Variants in DNAH6 observed in about 807,000 individuals in gnomAD.
DNAH6 encodes the protein axonemal beta dynein heavy chain 6.
In DNAH6, 340 loss-of-function variants were observed where a neutral mutation model predicts 491.4. The observed-to-expected ratio is 0.69, with a 90% CI of 0.63 to 0.76. The LOEUF is 0.76. Among genes scored for constraint, DNAH6 ranks in the 30% least tolerant of loss-of-function variants. The pLI, the probability that DNAH6 is intolerant of heterozygous loss-of-function variation, is 0.00. For synonymous variants in DNAH6, 1,603 were observed against 1,686.1 expected (o/e 0.95, Z 1.21); for missense variants, 4,443 against 4,972.2 (o/e 0.89, Z 3.20).
At chr2:84,786,904 A>G (rs1196586564) in intron 67 of DNAH6, among the ~76,000 whole-genome samples, 1 of 152,132 alleles carries the variant, frequency 6.6e-6, no homozygotes, top group Non-Finnish European at 1.5e-5. Flanking sequence ...TCCTGAAGGA[A>G]AAATGTTCTT....
intron 8 of DNAH6, 39 bp downstream of exon 8, chr2:84,548,456 C>A: frequency 6.2e-7 from 1 of 1,608,666 alleles, no homozygotes; most frequent in South Asian, 1.1e-5. Flanking sequence ...TTGTAGTACC[C>A]ATCTTAAGCT....
intron 45 of DNAH6, among the ~76,000 whole-genome samples, chr2:84,689,143 A>G (rs1694595604): frequency 6.6e-6 from 1 of 152,200 alleles, no homozygotes; most frequent in Non-Finnish European, 1.5e-5. Flanking sequence ...TGATCCTTCC[A>G]GGATAAGCCA....
intron 68 of DNAH6, 83 bp from the exon 69 acceptor site, chr2:84,796,223 A>T: frequency 2.1e-6 from 2 of 939,622 alleles, no homozygotes; most frequent in South Asian, 4.4e-5. Flanking sequence ...GTGTGTATAA[A>T]TAAACATTAA....
chr2:84,681,093 C>CTAAATTACTTGAGAGTGTGTTCATGTAAA (rs1196766515), intron 41 of DNAH6, among the ~76,000 whole-genome samples: 12 of 152,054 alleles, frequency 7.9e-5, no homozygotes, highest in Admixed American at 2.6e-4. Context: ...AAGCAGAGGT[C>CTAAATTACTTGAGAGTGTGTTCATGTAAA]TAAATTACTT....
At position 84,712,979 on chromosome 2, in the gene DNAH6, C is replaced by A. The variant is rs972030866; in HGVS notation, c.9379-116C>A. The A allele has an allele frequency of 3.8e-5, 32 of 838,996 alleles. No individual in the cohort carries two copies. The African/African-American group carries it at 5.3e-4, about 14-fold the overall frequency. The allele number at this position is 838,996 out of a possible 1,614,324, so 52.0% of individuals were successfully genotyped here. On this transcript the variant is annotated intron_variant, in intron 56 of 76. Coordinates refer to ENST00000389394, the MANE Select transcript of DNAH6 (RefSeq NM_001370.2). ...GGATGTTAATAAATATCCATCAGAT[C>A]ACTGGAAAATTATTCATTCACAGTA...
At chr2:84,554,667 G>A (rs902813168) in intron 10 of DNAH6, among the ~76,000 whole-genome samples, 4 of 152,198 alleles carry the variant, frequency 2.6e-5, no homozygotes, top group Admixed American at 2.6e-4. Flanking sequence ...TGTAATTTAT[G>A]GGATAGGCAA....
chr2:84,790,025 G>A (rs1190062476), intron 68 of DNAH6, among the ~76,000 whole-genome samples: 1 of 152,174 alleles, frequency 6.6e-6, no homozygotes, highest in Non-Finnish European at 1.5e-5. Context: ...GATGGACCTT[G>A]TGTTGAGAAA....
Position 84,686,475 on chromosome 2 carries a change from T to C in DNAH6, c.7064-9T>C. ...TTATATTTAAAACTTGGTTTTGTTC[T>C]TTAAATAGACAAACATTTTGGAATT... On this transcript the variant is annotated splice_polypyrimidine_tract_variant and intron_variant, in intron 43 of 76. Coordinates refer to ENST00000389394, the MANE Select transcript of DNAH6 (RefSeq NM_001370.2). 6.7e-7 allele frequency: 1 copy of C among 1,491,746 alleles called. No individual in the cohort carries two copies. Among genetic ancestry groups the C allele is most frequent in the South Asian group, 1.2e-5 (1 of 80,412 alleles). 92.4% of individuals were successfully genotyped at this position (1,491,746 alleles called of 1,614,324 possible). A position where few individuals can be genotyped will look rare whatever the true frequency, so the allele number is the denominator to read the frequency against.
chr2:84,580,962 C>T (rs950751091), intron 14 of DNAH6, among the ~76,000 whole-genome samples: 1 of 152,206 alleles, frequency 6.6e-6, no homozygotes, highest in African/African-American at 2.4e-5. Context: ...TGCTTCACTT[C>T]TCTCCCTCTG....
Position 84,674,162 on chromosome 2 carries a change from A to G in DNAH6, c.6612+1678A>G, listed in dbSNP as rs1193376432. On this transcript the variant is annotated intron_variant, in intron 40 of 76. Coordinates refer to ENST00000389394, the MANE Select transcript of DNAH6 (RefSeq NM_001370.2). ...AGGATTTCCCACCTACTAGCACCCA[A>G]CATCCCTACAAGATGGATAATGCTA... Among the ~76,000 whole-genome samples the G allele has an allele frequency of 2.0e-5, 3 of 152,172 alleles. No homozygotes were observed. The East Asian group carries it at 5.8e-4, about 29-fold the overall frequency.
intron 72 of DNAH6, 64 bp downstream of exon 72, chr2:84,808,606 T>G: frequency 6.6e-7 from 1 of 1,505,274 alleles, no homozygotes; most frequent in East Asian, 2.5e-5. Flanking sequence ...TTGTATAATA[T>G]GAAATTCTTC....
At chr2:84,575,823 G>A (rs1682380869) in intron 12 of DNAH6, among the ~76,000 whole-genome samples, 1 of 152,164 alleles carries the variant, frequency 6.6e-6, no homozygotes, top group African/African-American at 2.4e-5. Flanking sequence ...GGCGGAGCTT[G>A]CAGTGAGCCG....
chr2:84,659,102 C>T lies in DNAH6; in HGVS notation c.6017C>T (p.Thr2006Ile). The T allele has an allele frequency of 6.6e-7, 1 of 1,517,648 alleles. No individual in the cohort carries two copies. The highest frequency in any genetic ancestry group is 1.4e-5 in the African/African-American group (1 of 72,318). 94.0% of individuals were successfully genotyped at this position (1,517,648 alleles called of 1,614,324 possible). A position where few individuals can be genotyped will look rare whatever the true frequency, so the allele number is the denominator to read the frequency against. ...CYLWSLGGNL[T>I]ENYYDSFDTF... ...TTGTGGTCTTTGGGTGGAAACCTAA[C>T]TGAAAACTACTATGATTCTTTTGAT... The change falls in exon 37 of 77, where the codon ACT becomes ATT. Residue 2006 changes from threonine (T) to isoleucine (I), a missense_variant. Thr to Ile is a moderately conservative substitution (Grantham distance 89, BLOSUM62 -1). Coordinates refer to ENST00000389394, the MANE Select transcript of DNAH6 (RefSeq NM_001370.2).
intron 46 of DNAH6, 69 bp downstream of exon 46, chr2:84,694,549 G>T: frequency 8.5e-7 from 1 of 1,180,080 alleles, no homozygotes; most frequent in South Asian, 1.4e-5. Context: ...TGTGTGCTTT[G>T]AACAGTTTGT....
chr2:84,653,079 A>T (rs1690604761), intron 33 of DNAH6, among the ~76,000 whole-genome samples: 1 of 152,080 alleles, frequency 6.6e-6, no homozygotes, highest in South Asian at 2.1e-4. Context: ...CTTACTCCCA[A>T]GAAGCTCCTA....
the DNAH6 span, among the ~76,000 whole-genome samples, chr2:84,501,910 T>C: frequency 6.6e-6 from 1 of 152,096 alleles, no homozygotes; most frequent in East Asian, 1.9e-4. Flanking sequence ...TATTGGGATC[T>C]TCTCTCTTTT....
At chr2:84,660,889 A>G (rs1691437755) in intron 37 of DNAH6, among the ~76,000 whole-genome samples, 1 of 152,172 alleles carries the variant, frequency 6.6e-6, no homozygotes, top group Non-Finnish European at 1.5e-5. Flanking sequence ...ACTTCTCTGA[A>G]TAAAACAAGA....
intron 39 of DNAH6, among the ~76,000 whole-genome samples, chr2:84,671,409 G>T (rs543795543): frequency 6.6e-6 from 1 of 152,170 alleles, no homozygotes; most frequent in Admixed American, 6.5e-5. Context: ...CACTTGCTCA[G>T]TCCACAGTCT....
At chr2:84,597,305 GCAAAAGATTTGAATA>G (rs1278106377) in intron 18 of DNAH6, among the ~76,000 whole-genome samples, 1 of 152,094 alleles carries the variant, frequency 6.6e-6, no homozygotes, top group Non-Finnish European at 1.5e-5. Context: ...TTTAAAATGG[GCAAAAGATTTGAATA>G]CACACTTCCC....
Sources: gnomAD v4.1 joint callset for allele counts (sites outside exome capture counted in the v4.1 genomes callset) on GRCh38, gnomAD v4.1.1 for gene constraint, MANE v1.5 for transcripts, NCBI Gene and HGNC (gene_info 2026-07-23, HGNC 2026-07-21) for gene names.